FARP1: variants seen among roughly 807,000 people sequenced by gnomAD.
FARP1 encodes the protein FERM, ARH/RhoGEF and pleckstrin domain protein 1, also known as FERM, ARHGEF and pleckstrin domain-containing protein 1.
A neutral mutation model predicts 128.8 loss-of-function variants in FARP1; 52 were observed. The ratio of observed to expected loss-of-function variants is 0.40; its 90% CI spans 0.32 to 0.51. FARP1 has a LOEUF of 0.51. Among genes scored for constraint, FARP1 ranks in the 20% least tolerant of loss-of-function variants. The pLI is 0.45. For missense variants in FARP1, 1,333 were observed against 1,367.9 expected, an observed-to-expected ratio of 0.97 and a Z score of 0.40; for synonymous variants, 580 against 551.8, an observed-to-expected ratio of 1.05 and a Z score of -0.72.
chr13:98,253,533 C>T (rs1271540452), intron 2 of FARP1, among the ~76,000 whole-genome samples: 1 of 152,190 alleles, frequency 6.6e-6, no homozygotes, highest in Non-Finnish European at 1.5e-5. Flanking sequence ...TGGGTTTCAC[C>T]ATTTGTGAAA....
chr13:98,338,694 A>G (rs1887841661), intron 2 of FARP1: 1 of 152,176 alleles, frequency 6.6e-6, no homozygotes, highest in African/African-American at 2.4e-5. Flanking sequence ...GTATCCTAGG[A>G]TAAGACTATT....
intron 16 of FARP1, among the ~76,000 whole-genome samples, chr13:98,414,234 A>G (rs1891296324): frequency 6.6e-6 from 1 of 152,216 alleles, no homozygotes; most frequent in Non-Finnish European, 1.5e-5. Context: ...AATGTAACCC[A>G]TGTTTTACAG....
At chr13:98,421,721 T>C (rs547123439) in intron 16 of FARP1, among the ~76,000 whole-genome samples, 1 of 152,208 alleles carries the variant, frequency 6.6e-6, no homozygotes, top group African/African-American at 2.4e-5. Context: ...GCTGGGATGA[T>C]GGTGCACACC....
At chr13:98,368,647 A>T (rs536012566) in intron 5 of FARP1, among the ~76,000 whole-genome samples, 1 of 152,338 alleles carries the variant, frequency 6.6e-6, no homozygotes, top group South Asian at 2.1e-4. Flanking sequence ...TTCGGCCACC[A>T]TCCTGCCACT....
At chr13:98,239,174 T>A (rs1035199429) in intron 2 of FARP1, among the ~76,000 whole-genome samples, 4 of 152,166 alleles carry the variant, frequency 2.6e-5, no homozygotes, top group African/African-American at 9.7e-5. Flanking sequence ...ATTGAACACT[T>A]AAGATACTTA....
chr13:98,192,962 G>T (rs1879333706), intron 1 of FARP1, among the ~76,000 whole-genome samples: 1 of 152,112 alleles, frequency 6.6e-6, no homozygotes, highest in Admixed American at 6.5e-5. Flanking sequence ...GCAAACCCCG[G>T]CAGGGTGTGT....
At chr13:98,264,059 G>A (rs895163019) in intron 2 of FARP1, among the ~76,000 whole-genome samples, 3 of 152,170 alleles carry the variant, frequency 2.0e-5, no homozygotes, top group Admixed American at 6.5e-5. Context: ...GTTAGGCAGA[G>A]GGCACAAGGC....
intron 2 of FARP1, among the ~76,000 whole-genome samples, chr13:98,269,163 C>T (rs1884275080): frequency 6.6e-6 from 1 of 152,106 alleles, no homozygotes; most frequent in Non-Finnish European, 1.5e-5. Flanking sequence ...CTGCCCTGAC[C>T]CTTGATATGC....
At chr13:98,146,505 G>A (rs1875574994) in intron 1 of FARP1, among the ~76,000 whole-genome samples, 1 of 152,234 alleles carries the variant, frequency 6.6e-6, no homozygotes. Flanking sequence ...TGGGATTACA[G>A]GCGTGAGTCA....
intron 2 of FARP1, among the ~76,000 whole-genome samples, chr13:98,327,702 C>T (rs936436836): frequency 2.0e-5 from 3 of 152,182 alleles, no homozygotes; most frequent in Admixed American, 2.0e-4. Context: ...TAGTACCAGA[C>T]CTGATTGCTG....
intron 3 of FARP1, among the ~76,000 whole-genome samples, chr13:98,350,946 G>A (rs1416929838): frequency 6.6e-6 from 1 of 150,728 alleles, no homozygotes; most frequent in African/African-American, 2.4e-5. Flanking sequence ...CAGAGCCCAC[G>A]GAAATGATGC....
chr13:98,201,979 C>T (rs565045211), intron 1 of FARP1, among the ~76,000 whole-genome samples: 2 of 152,360 alleles, frequency 1.3e-5, no homozygotes, highest in African/African-American at 2.4e-5. Context: ...AACAGTTGAT[C>T]TGCAGTTGTT....
chr13:98,143,870 G>A (rs1030092340), intron 1 of FARP1, among the ~76,000 whole-genome samples: 1 of 151,802 alleles, frequency 6.6e-6, no homozygotes, highest in African/African-American at 2.4e-5. Flanking sequence ...CGCCGCTTCC[G>A]GACCTCGGGC....
chr13:98,188,328 C>T (rs902582509), intron 1 of FARP1, among the ~76,000 whole-genome samples: 9 of 152,116 alleles, frequency 5.9e-5, no homozygotes, highest in South Asian at 2.1e-4. Context: ...CCGAGGCGGG[C>T]GGATCACGAG....
chr13:98,153,953 G>C (rs1876315005), intron 1 of FARP1, among the ~76,000 whole-genome samples: 1 of 152,110 alleles, frequency 6.6e-6, no homozygotes, highest in Admixed American at 6.6e-5. Context: ...CCCTTGTGCT[G>C]CACCCCCAGT....
intron 20 of FARP1, 30 bp downstream of exon 20, chr13:98,438,902 A>G (rs756523945): frequency 1.2e-6 from 2 of 1,608,050 alleles, no homozygotes; most frequent in Non-Finnish European, 1.7e-6. Flanking sequence ...TGTCCTCACA[A>G]GGATTGTGTC....
intron 1 of FARP1, chr13:98,177,230 C>G: frequency 6.4e-7 from 1 of 1,552,358 alleles, no homozygotes. Context: ...GAAGGTGGCG[C>G]TGCCATGTTT....
At chr13:98,418,859 C>A (rs889272838) in intron 16 of FARP1, among the ~76,000 whole-genome samples, 4 of 152,192 alleles carry the variant, frequency 2.6e-5, no homozygotes, top group African/African-American at 9.7e-5. Flanking sequence ...TGGATGCTAT[C>A]AAACCTGCCT....
intron 24 of FARP1, 61 bp from the exon 25 acceptor site, chr13:98,446,037 T>C: frequency 6.1e-6 from 7 of 1,153,002 alleles, no homozygotes; most frequent in Non-Finnish European, 9.1e-6. Flanking sequence ...GGAGAGCTGC[T>C]CTCTGTGCCC....
Sources: gnomAD v4.1 joint callset for allele counts (sites outside exome capture counted in the v4.1 genomes callset) on GRCh38, gnomAD v4.1.1 for gene constraint, MANE v1.5 for transcripts, NCBI Gene and HGNC (gene_info 2026-07-23, HGNC 2026-07-21) for gene names.